Variants in OR56A3 observed in about 807,000 individuals in gnomAD.
The protein encoded by OR56A3 is olfactory receptor 56A3.
A neutral mutation model predicts 17.5 loss-of-function variants in OR56A3; 23 were observed. That is an observed-to-expected ratio of 1.32 (90% CI 0.95 to 1.87). OR56A3 has a LOEUF of 1.87. Among genes scored for constraint, OR56A3 ranks in the 40% most tolerant of loss-of-function variants. OR56A3 has a pLI of 0.00. For synonymous variants in OR56A3, 175 were observed against 150.6 expected (o/e 1.16, Z -1.19); for missense variants, 366 against 380.1 (o/e 0.96, Z 0.31).
At chr11:6,015,168 T>G in the OR56A3 span, among the ~76,000 whole-genome samples, 1 of 151,826 alleles carries the variant, frequency 6.6e-6, no homozygotes, top group East Asian at 1.9e-4. Context: ...AGAAACCAAG[T>G]GCTAATACCC....
chr11:6,003,411 A>AT, the OR56A3 span, among the ~76,000 whole-genome samples: 1 of 152,146 alleles, frequency 6.6e-6, no homozygotes, highest in South Asian at 2.1e-4. Context: ...CTTTACAATG[A>AT]TTTTCATTCA....
chr11:5,961,359 A>G, the OR56A3 span, among the ~76,000 whole-genome samples: 82,103 of 152,140 alleles, frequency 0.54, 22,430 homozygotes, highest in East Asian at 0.7. Flanking sequence ...TTGTGTCTGT[A>G]TAGAAAGAAG....
chr11:6,014,307 G>A, the OR56A3 span, among the ~76,000 whole-genome samples: 1 of 152,222 alleles, frequency 6.6e-6, no homozygotes, highest in African/African-American at 2.4e-5. Context: ...GTTGAAGGTA[G>A]GGCCTGGTGG....
downstream of OR56A3, among the ~76,000 whole-genome samples, chr11:5,955,227 C>G (rs1471019267): frequency 1.3e-5 from 2 of 152,090 alleles, no homozygotes; most frequent in Non-Finnish European, 2.9e-5. Flanking sequence ...AAAAGCTAAT[C>G]TACATAAAAA....
chr11:5,967,518 C>A, the OR56A3 span: 1 of 1,383,348 alleles, frequency 7.2e-7, no homozygotes, highest in South Asian at 1.4e-5. Flanking sequence ...ATATCAATTT[C>A]TGTTTTCAAG....
At chr11:5,970,981 A>G in the OR56A3 span, among the ~76,000 whole-genome samples, 3 of 152,234 alleles carry the variant, frequency 2.0e-5, no homozygotes, top group Non-Finnish European at 4.4e-5. Context: ...TTAACCAAAG[A>G]AACAAAGGGA....
chr11:5,960,934 G>A, the OR56A3 span, among the ~76,000 whole-genome samples: 1 of 151,454 alleles, frequency 6.6e-6, no homozygotes, highest in Admixed American at 6.6e-5. Flanking sequence ...GGGAACTGAG[G>A]AGTGTCTCTG....
the OR56A3 span, among the ~76,000 whole-genome samples, chr11:6,011,204 T>TTATA: frequency 6.5e-5 from 8 of 122,524 alleles, no homozygotes; most frequent in Non-Finnish European, 1.4e-4. Context: ...GAGATTTATT[T>TTATA]TATATATATA....
At chr11:5,996,593 C>T in the OR56A3 span, among the ~76,000 whole-genome samples, 3 of 151,902 alleles carry the variant, frequency 2.0e-5, no homozygotes, top group South Asian at 2.1e-4. Flanking sequence ...ATAAGAGCAC[C>T]GTTCTTTCAC....
chr11:6,018,254 A>G, the OR56A3 span, among the ~76,000 whole-genome samples: 11 of 152,130 alleles, frequency 7.2e-5, no homozygotes, highest in Admixed American at 2.0e-4. Context: ...ATAACACAAA[A>G]CATTTTATCC....
chr11:6,009,475 T>G, the OR56A3 span, among the ~76,000 whole-genome samples: 1 of 152,186 alleles, frequency 6.6e-6, no homozygotes, highest in Non-Finnish European at 1.5e-5. Flanking sequence ...TGACAAGTAT[T>G]TTACATGTGT....
At chr11:5,991,321 C>G in the OR56A3 span, among the ~76,000 whole-genome samples, 6 of 152,228 alleles carry the variant, frequency 3.9e-5, no homozygotes, top group South Asian at 1.2e-3. Context: ...TCCACAGGCT[C>G]ACAGGTTAGC....
the OR56A3 span, chr11:5,986,018 G>A: frequency 6.2e-7 from 1 of 1,613,336 alleles, no homozygotes; most frequent in Admixed American, 1.7e-5. Flanking sequence ...AGAGGATTGA[G>A]CGCAGGTGGC....
At chr11:6,002,885 A>G in the OR56A3 span, 3 of 1,614,034 alleles carry the variant, frequency 1.9e-6, no homozygotes, top group Admixed American at 3.3e-5. Context: ...GGAGGAAGAG[A>G]AGGCTGAGGG....
chr11:6,015,723 C>A, the OR56A3 span, among the ~76,000 whole-genome samples: 3 of 152,212 alleles, frequency 2.0e-5, no homozygotes, highest in Non-Finnish European at 4.4e-5. Context: ...GGGTTTCAGA[C>A]TTCCATGGGG....
At chr11:5,944,387 T>C (rs1847856192) in intron 1 of OR56A3, among the ~76,000 whole-genome samples, 1 of 152,086 alleles carries the variant, frequency 6.6e-6, no homozygotes, top group South Asian at 2.1e-4. Context: ...GAGTCGGAGT[T>C]GCAAGAGGAA....
Position 5,948,452 on chromosome 11 carries a change from A to G in OR56A3, c.*158A>G, listed in dbSNP as rs1847888384. On this transcript the variant is annotated 3_prime_UTR_variant, in exon 3 of 3. Coordinates refer to ENST00000641160, the MANE Select transcript of OR56A3 (RefSeq NM_001003443.3). Reference sequence around the variant, plus strand: ...AAAACATCGGTTTTAATTTAAGTCTATCTTCCTTTTCACCCTTTTCTCAGA... The same window carrying G: ...AAAACATCGGTTTTAATTTAAGTCTGTCTTCCTTTTCACCCTTTTCTCAGA... The G allele has an allele frequency of 8.6e-6, 5 of 583,640 alleles. No homozygotes were observed. The highest frequency in any genetic ancestry group is 7.6e-5 in the South Asian group (3 of 39,238). The allele number at this position is 583,640 out of a possible 1,614,324, so 36.2% of individuals were successfully genotyped here. A position where few individuals can be genotyped will look rare whatever the true frequency, so the allele number is the denominator to read the frequency against.
the OR56A3 span, among the ~76,000 whole-genome samples, chr11:5,982,789 T>C: frequency 6.6e-6 from 1 of 152,126 alleles, no homozygotes; most frequent in African/African-American, 2.4e-5. Flanking sequence ...TTATGGGGGT[T>C]GTGGGGTCCC....
rs780673025 is a variant in OR56A3 at position 5,948,227 on chromosome 11, T to C, written c.881T>C (p.Ile294Thr). 8 of 1,614,186 alleles carry C rather than the reference T, an allele frequency of 5.0e-6. No individual in the cohort carries two copies. Among genetic ancestry groups the C allele is most frequent in the Middle Eastern group, 3.3e-4 (2 of 6,062 alleles). ...HHVIPAALNPIIYGVRTQEIK... is the reference protein window; with the variant it reads ...HHVIPAALNPTIYGVRTQEIK... The stretch of plus-strand genomic sequence containing the variant: ...GTCATTCCTGCAGCCCTTAACCCCA[T>C]CATTTACGGGGTGAGAACCCAAGAA... Residue 294 changes from isoleucine (I) to threonine (T), a missense_variant, in exon 3 of 3, where the codon ATC becomes ACC. Transcript: ENST00000641160.
Sources: gnomAD v4.1 joint callset for allele counts (sites outside exome capture counted in the v4.1 genomes callset) on GRCh38, gnomAD v4.1.1 for gene constraint, MANE v1.5 for transcripts, NCBI Gene and HGNC (gene_info 2026-07-23, HGNC 2026-07-21) for gene names.